TRPM3: variants seen among roughly 807,000 people sequenced by gnomAD.
TRPM3 encodes the protein transient receptor potential cation channel subfamily M member 3.
Under a neutral mutation model 181.2 loss-of-function variants are expected in TRPM3, and 77 were observed. That is an observed-to-expected ratio of 0.42 (90% confidence interval 0.35 to 0.51). The LOEUF (loss-of-function observed/expected upper bound fraction) is 0.51, where lower values mean the gene tolerates loss of function less well. TRPM3 is among the 20% of genes least tolerant of loss of function. TRPM3 has a pLI of 0.01. For missense variants in TRPM3, 1,759 were observed against 2,196.7 expected (o/e 0.80, Z 3.98); for synonymous variants, 745 against 796.4 (o/e 0.94, Z 1.09).
At chr9:70,786,240 G>A (rs964145204) in intron 6 of TRPM3, among the ~76,000 whole-genome samples, 14 of 146,378 alleles carry the variant, frequency 9.6e-5, no homozygotes, top group Admixed American at 3.6e-4. Flanking sequence ...CAAGGTGGGC[G>A]GATCACCAAA....
In TRPM3 at chr9:70,784,188, A is replaced by C. The variant is rs1434737584; in HGVS notation, c.1065T>G (p.Pro355=). The change falls in exon 7 of 26, where the codon CCT becomes CCG. Residue 355 remains proline (P), a synonymous_variant. Coordinates refer to ENST00000677713, the MANE Select transcript of TRPM3 (RefSeq NM_001366145.2). ...SIVLEYLRDT[P]PVPVVVCDGS... is the part of the protein sequence containing the mutation. The stretch of plus-strand genomic sequence containing the variant: ...CATCACAGACAACCACTGGCACGGG[A>C]GGGGTGTCTCGAAGGTACTCCAAAA... 6.2e-7 allele frequency: 1 copy of C among 1,613,774 alleles called. No homozygotes were observed. The highest frequency in any genetic ancestry group is 1.1e-5 in the South Asian group (1 of 91,066).
In TRPM3 at chr9:70,957,305, T is replaced by C. The variant is rs554224507; in HGVS notation, c.178-92794A>G. 2.0e-3 allele frequency among the ~76,000 whole-genome samples: 299 copies of C among 152,252 alleles called. 3 individuals carry two copies. The highest frequency in any genetic ancestry group is 2.8e-4 in the Non-Finnish European group (19 of 68,014). ...AGGAAATACTTTTTCACTAGACTTG[T>C]GTACAATTGCAACAACAAAGTCATC... is the stretch of plus-strand genomic sequence containing the variant. On this transcript the variant is annotated intron_variant, in intron 1 of 25. Transcript: ENST00000677713.
At chr9:70,684,916 T>G (rs1254957703) in intron 8 of TRPM3, among the ~76,000 whole-genome samples, 1 of 152,224 alleles carries the variant, frequency 6.6e-6, no homozygotes, top group East Asian at 1.9e-4. Context: ...CCCCTTCATG[T>G]TGCAGATAGT....
intron 8 of TRPM3, among the ~76,000 whole-genome samples, chr9:70,750,835 G>A (rs930323398): frequency 2.6e-5 from 4 of 152,258 alleles, no homozygotes; most frequent in Non-Finnish European, 5.9e-5. Context: ...AAGTAATGAC[G>A]AGACAACCAG....
intron 1 of TRPM3, among the ~76,000 whole-genome samples, chr9:71,367,162 C>T (rs2092361706): frequency 6.6e-6 from 1 of 152,146 alleles, no homozygotes; most frequent in African/African-American, 2.4e-5. Context: ...TTGAGAGATA[C>T]TGGCAATGCT....
chr9:71,187,277 A>T (rs2077734341), intron 1 of TRPM3, among the ~76,000 whole-genome samples: 1 of 151,948 alleles, frequency 6.6e-6, no homozygotes, highest in Admixed American at 6.6e-5. Flanking sequence ...TATTTTTTCT[A>T]CATAGTTTGA....
intron 1 of TRPM3, among the ~76,000 whole-genome samples, chr9:70,887,696 G>A (rs1001940579): frequency 6.6e-6 from 1 of 152,016 alleles, no homozygotes; most frequent in South Asian, 2.1e-4. Flanking sequence ...TATTTTCTTA[G>A]TATCTGGGTA....
At chr9:70,756,617 A>G (rs963100168) in intron 8 of TRPM3, among the ~76,000 whole-genome samples, 1 of 152,094 alleles carries the variant, frequency 6.6e-6, no homozygotes, top group African/African-American at 2.4e-5. Flanking sequence ...AGGAAACTCA[A>G]AAGAACGGAA....
intron 1 of TRPM3, among the ~76,000 whole-genome samples, chr9:71,321,227 T>TA (rs2089193571): frequency 6.6e-6 from 1 of 152,200 alleles, no homozygotes; most frequent in Non-Finnish European, 1.5e-5. Flanking sequence ...TTCTTCCTAC[T>TA]AAATAGCTTT....
chr9:70,867,182 C>T (rs898561185), intron 1 of TRPM3, among the ~76,000 whole-genome samples: 4 of 151,902 alleles, frequency 2.6e-5, no homozygotes, highest in African/African-American at 9.7e-5. Flanking sequence ...TTTCTCCTTG[C>T]GGTAAAGGAT....
At chr9:70,877,326 TAA>T (rs1228064148) in intron 1 of TRPM3, among the ~76,000 whole-genome samples, 1 of 151,708 alleles carries the variant, frequency 6.6e-6, no homozygotes, top group Admixed American at 6.6e-5. Flanking sequence ...CTGCTCCAAA[TAA>T]AAAAGATAGA....
chr9:70,950,626 A>G (rs1180464452), intron 1 of TRPM3, among the ~76,000 whole-genome samples: 2 of 152,330 alleles, frequency 1.3e-5, no homozygotes, highest in East Asian at 3.9e-4. Context: ...GTGAATGGGC[A>G]GAGACAGGTT....
intron 1 of TRPM3, among the ~76,000 whole-genome samples, chr9:71,014,987 T>C (rs2097772930): frequency 6.6e-6 from 1 of 152,174 alleles, no homozygotes; most frequent in Admixed American, 6.5e-5. Flanking sequence ...TTCCTTTTTT[T>C]CAGTATTTTT....
chr9:70,963,374 A>T (rs751500761), intron 1 of TRPM3, among the ~76,000 whole-genome samples: 12 of 152,174 alleles, frequency 7.9e-5, no homozygotes, highest in Non-Finnish European at 1.3e-4. Context: ...CAAACAATAC[A>T]TACCATTTTA....
At chr9:70,791,421 A>G (rs2085377680) in intron 6 of TRPM3, among the ~76,000 whole-genome samples, 1 of 152,236 alleles carries the variant, frequency 6.6e-6, no homozygotes, top group African/African-American at 2.4e-5. Context: ...TGAGGTTGGA[A>G]CTTCCCAAGG....
intron 3 of TRPM3, among the ~76,000 whole-genome samples, chr9:70,853,673 C>T (rs2095306468): frequency 6.6e-6 from 1 of 152,162 alleles, no homozygotes; most frequent in Admixed American, 6.5e-5. Flanking sequence ...CACAAAGGAA[C>T]ATTTGGTTAA....
At chr9:71,152,909 A>G (rs895660093) in intron 1 of TRPM3, among the ~76,000 whole-genome samples, 1 of 152,178 alleles carries the variant, frequency 6.6e-6, no homozygotes, top group African/African-American at 2.4e-5. Flanking sequence ...CAGTGGCCTT[A>G]CCCTGCTGAA....
At chr9:70,975,220 T>C (rs1241322184) in intron 1 of TRPM3, among the ~76,000 whole-genome samples, 1 of 152,200 alleles carries the variant, frequency 6.6e-6, no homozygotes, top group East Asian at 1.9e-4. Flanking sequence ...AAGGAGTTGT[T>C]GAACGGAGTC....
chr9:71,189,807 G>T (rs2077900629), intron 1 of TRPM3, among the ~76,000 whole-genome samples: 1 of 151,742 alleles, frequency 6.6e-6, no homozygotes, highest in East Asian at 1.9e-4. Context: ...TCTTATTTGT[G>T]TATCTGTCCC....
Sources: allele counts gnomAD v4.1 joint callset (sites outside exome capture counted in the v4.1 genomes callset), GRCh38; gene constraint gnomAD v4.1.1; transcripts MANE v1.5; gene names NCBI Gene and HGNC (gene_info 2026-07-23, HGNC 2026-07-21).